The following NPVF variants were observed in gnomAD, a reference collection of about 807,000 sequenced individuals.
NPVF encodes pro-FMRFamide-related neuropeptide VF.
NPVF carries 17 observed loss-of-function variants against 15.7 expected under a neutral mutation model. The observed-to-expected ratio is 1.08, with a 90% CI of 0.74 to 1.62. The LOEUF (loss-of-function observed/expected upper bound fraction) is 1.62. NPVF is among the 40% of genes most tolerant of loss of function. The pLI is 0.00. For missense variants in NPVF, 270 were observed against 225.2 expected (o/e 1.20, Z -1.27); for synonymous variants, 70 against 80.1 (o/e 0.87, Z 0.67).
chr7:25,225,194 A>T (rs1783110192), intron 2 of NPVF, 21 bp from the exon 3 acceptor site: 1 of 1,602,306 alleles, frequency 6.2e-7, no homozygotes, highest in African/African-American at 1.3e-5. Flanking sequence ...AGCAGTATAA[A>T]ATGTTGTCAC....
At chr7:25,226,216 G>A (rs113603649) in intron 2 of NPVF, among the ~76,000 whole-genome samples, 1 of 152,176 alleles carries the variant, frequency 6.6e-6, no homozygotes, top group African/African-American at 2.4e-5. Flanking sequence ...TTGATTAAAA[G>A]TTAGGAAAGA....
At position 25,228,346 on chromosome 7, in the gene NPVF, T is replaced by G; in HGVS notation, c.94A>C (p.Met32Leu). 6.5e-7 allele frequency: 1 copy of G among 1,537,922 alleles called. No homozygotes were observed. Among genetic ancestry groups the G allele is most frequent in the Non-Finnish European group, 9.0e-7 (1 of 1,111,968 alleles). Reference sequence around the variant, plus strand: ...TTTTCTTTGCTGTGAAGATTGGACATCACTAATTCATCTGCACAAAAAATG... The same window carrying G: ...TTTTCTTTGCTGTGAAGATTGGACAGCACTAATTCATCTGCACAAAAAATG... The part of the protein sequence containing the change: ...SNIFCADELV[M>L]SNLHSKENYD... The change falls in exon 1 of 3, where the codon ATG (methionine) becomes CTG (leucine). Residue 32 changes from methionine to leucine, a missense_variant. Met to Leu is a conservative substitution (Grantham distance 15, BLOSUM62 2). Coordinates refer to ENST00000222674, the MANE Select transcript of NPVF (RefSeq NM_022150.3).
rs1783106963 is a variant in NPVF, at chr7:25,224,975, A to T, written c.*147T>A. On this transcript the variant is annotated 3_prime_UTR_variant, in exon 3 of 3. Transcript: ENST00000222674. Reference sequence around the variant, plus strand: ...CTTTAATTTTTTTACAACTTTCAAGATACTATTATAGCTGTACTGACAAGG... The same window carrying T: ...CTTTAATTTTTTTACAACTTTCAAGTTACTATTATAGCTGTACTGACAAGG... 1.8e-6 allele frequency: 1 copy of T among 548,116 alleles called. No individual in the cohort carries two copies. The highest frequency in any genetic ancestry group is 3.3e-6 in the Non-Finnish European group (1 of 307,132). The allele number at this position is 548,116 out of a possible 1,614,324, so 34.0% of individuals were successfully genotyped here.
In NPVF at chr7:25,225,039, T is replaced by C. The variant is rs968034564; in HGVS notation, c.*83A>G. The C allele has an allele frequency of 1.8e-6, 2 of 1,128,516 alleles. No individual in the cohort carries two copies. Among genetic ancestry groups the C allele is most frequent in the South Asian group, 1.3e-5 (1 of 75,068 alleles). The allele number at this position is 1,128,516 out of a possible 1,614,324, so 69.9% of individuals were successfully genotyped here. A position where few individuals can be genotyped will look rare whatever the true frequency, so the allele number is the denominator to read the frequency against. The stretch of plus-strand genomic sequence containing the variant: ...GATGATCCATAGCTGATGAAGTGTA[T>C]GTAGCTACTCTTCCGTGTGGTCTTC... On this transcript the variant is annotated 3_prime_UTR_variant, in exon 3 of 3. Coordinates refer to ENST00000222674, the MANE Select transcript of NPVF (RefSeq NM_022150.3).
chr7:25,227,620 T>C (rs2115498071), intron 1 of NPVF, among the ~76,000 whole-genome samples: 1 of 152,304 alleles, frequency 6.6e-6, no homozygotes, highest in Non-Finnish European at 1.5e-5. Context: ...AAAATACATT[T>C]TTAGCAAAGA....
intron 1 of NPVF, among the ~76,000 whole-genome samples, chr7:25,227,343 C>T (rs981755211): frequency 1.1e-4 from 17 of 151,976 alleles, no homozygotes; most frequent in Admixed American, 4.6e-4. Flanking sequence ...TGCAGTTATT[C>T]TCTTTTGGTT....
Position 25,226,781 on chromosome 7 carries a change from G to A in NPVF, c.384C>T (p.Pro128=), listed in dbSNP as rs2717851. ...VSLVRRVPNL[P]QRFGRTTTAK... ...CTGTTGTTGTTCTCCCAAACCTTTG[G>A]GGCAGGTTAGGAACACGTCTCACGA... Residue 128 remains proline (P), a synonymous_variant, in exon 2 of 3, where the codon CCC becomes CCT. Transcript: ENST00000222674. 0.27 allele frequency: 442,795 copies of A among 1,613,828 alleles called. 61,962 individuals carry two copies. The highest frequency in any genetic ancestry group is 0.36 in the African/African-American group (26,992 of 74,898).
chr7:25,227,951 G>A (rs990945242), intron 1 of NPVF, among the ~76,000 whole-genome samples: 2 of 152,088 alleles, frequency 1.3e-5, no homozygotes, highest in African/African-American at 4.8e-5. Context: ...TTTTTTGTTT[G>A]TTTGTTTGTA....
At position 25,225,005 on chromosome 7, in the gene NPVF, A is replaced by G. The variant is rs997296554; in HGVS notation, c.*117T>C. 2.9e-5 allele frequency: 22 copies of G among 764,156 alleles called. No individual in the cohort carries two copies. The highest frequency in any genetic ancestry group is 1.1e-5 in the Non-Finnish European group (5 of 458,466). 47.3% of individuals were successfully genotyped at this position (764,156 alleles called of 1,614,324 possible). ...ATTATAGCTGTACTGACAAGGAAAA[A>G]TTGCCGTTGATGATCCATAGCTGAT... On this transcript the variant is annotated 3_prime_UTR_variant, in exon 3 of 3. Coordinates refer to ENST00000222674, the MANE Select transcript of NPVF (RefSeq NM_022150.3).
Position 25,228,327 on chromosome 7 carries a change from T to C in NPVF, c.113A>G (p.Lys38Arg). The change falls in exon 1 of 3, where the codon AAA becomes AGA. Residue 38 changes from lysine (K) to arginine (R), a missense_variant. Physicochemically the swap from Lys to Arg is conservative, Grantham distance 26. Coordinates refer to ENST00000222674, the MANE Select transcript of NPVF (RefSeq NM_022150.3). ...CTCAGAATATTTGTCATAATTTTCT[T>C]TGCTGTGAAGATTGGACATCACTAA... ...DELVMSNLHS[K>R]ENYDKYSEPR... The C allele has an allele frequency of 6.6e-7, 1 of 1,520,858 alleles. No individual in the cohort carries two copies. Among genetic ancestry groups the C allele is most frequent in the South Asian group, 1.1e-5 (1 of 88,320 alleles). The allele number at this position is 1,520,858 out of a possible 1,614,324, so 94.2% of individuals were successfully genotyped here.
chr7:25,225,965 A>G (rs1783120138), intron 2 of NPVF, among the ~76,000 whole-genome samples: 1 of 152,226 alleles, frequency 6.6e-6, no homozygotes, highest in African/African-American at 2.4e-5. Flanking sequence ...GGTCTCTCAG[A>G]TAAGGTGACA....
At chr7:25,227,127 TA>T (rs1330816941) in intron 1 of NPVF, 101 bp from the exon 2 acceptor site, 2 of 1,060,188 alleles carry the variant, frequency 1.9e-6, no homozygotes, top group African/African-American at 1.6e-5. Flanking sequence ...GCAGAATTGT[TA>T]AAGCTATAAA....
chr7:25,226,690 C>G lies in NPVF; in HGVS notation c.475G>C (p.Asp159His), dbSNP rs762973744. ...TGGCAGGTCATGGAGTAAAATAAGT[C>G]ATTGGCACATGGTGAATGCATGGAT... Reference protein sequence around the residue: ...QGSMHSPCANDLFYSMTCQHQ... With the variant: ...QGSMHSPCANHLFYSMTCQHQ... The change falls in exon 2 of 3, where the codon GAC (aspartate) becomes CAC (histidine). Residue 159 changes from aspartate (D) to histidine (H), a missense_variant. Physicochemically the swap from Asp to His is moderately conservative, Grantham distance 81 (BLOSUM62 -1). Transcript: ENST00000222674. 1.2e-6 allele frequency: 2 copies of G among 1,614,170 alleles called. No individual in the cohort carries two copies. The highest frequency in any genetic ancestry group is 1.1e-5 in the South Asian group (1 of 91,064).
In NPVF at chr7:25,226,621, T is replaced by C. The variant is rs1394377126; in HGVS notation, c.539+5A>G. 1 of 1,612,230 alleles carries C rather than the reference T, an allele frequency of 6.2e-7. No individual in the cohort carries two copies. Among genetic ancestry groups the C allele is most frequent in the Non-Finnish European group, 8.5e-7 (1 of 1,178,560 alleles). On this transcript the variant is annotated splice_donor_5th_base_variant and intron_variant, in intron 2 of 2. Coordinates refer to ENST00000222674, the MANE Select transcript of NPVF (RefSeq NM_022150.3). ...ATGCACTTTGACTGGTTTCCAGGTATTTACCTTGACTGTTTTTGATCGGGA... is the reference window on the plus strand; with the variant it reads ...ATGCACTTTGACTGGTTTCCAGGTACTTACCTTGACTGTTTTTGATCGGGA...
chr7:25,225,148 C>T lies in NPVF; in HGVS notation c.565G>A (p.Asp189Asn). ...TATTTTTCTTGTTTCAATTCTGCAT[C>T]ATCTATTTTCTTGAATAGCAGTCTC... is the stretch of plus-strand genomic sequence containing the variant. ...SRRLLFKKIDDAELKQEK is the reference protein window; with the variant it reads ...SRRLLFKKIDNAELKQEK Residue 189 changes from aspartate (D) to asparagine (N), a missense_variant, in exon 3 of 3, where the codon GAT becomes AAT. Asp to Asn is a conservative substitution (Grantham distance 23, BLOSUM62 1). Transcript: ENST00000222674. The T allele has an allele frequency of 1.9e-6, 3 of 1,613,722 alleles. No individual in the cohort carries two copies. The highest frequency in any genetic ancestry group is 2.2e-5 in the South Asian group (2 of 91,022).
At chr7:25,228,208 C>A in intron 1 of NPVF, 94 bp downstream of exon 1, 2 of 897,360 alleles carry the variant, frequency 2.2e-6, no homozygotes, top group Non-Finnish European at 3.5e-6. Context: ...AGAGTACACA[C>A]CAACTTACTT....
At position 25,225,159 on chromosome 7, in the gene NPVF, T is replaced by TC. The variant is rs775304039; in HGVS notation, c.553_554insG (p.Lys185ArgfsTer5). 2.1e-3 allele frequency: 3,321 copies of TC among 1,613,192 alleles called. 7 individuals are homozygous for TC. The highest frequency in any genetic ancestry group is 2.6e-3 in the Admixed American group (156 of 59,972). Reference sequence around the variant, plus strand: ...TTTCAATTCTGCATCATCTATTTTCTTGAATAGCAGTCTCCTAAAATGTAA... The same window carrying TC: ...TTTCAATTCTGCATCATCTATTTTCTCTGAATAGCAGTCTCCTAAAATGTAA... On this transcript the variant is annotated frameshift_variant, in exon 3 of 3. Transcript: ENST00000222674. LOFTEE classifies it high-confidence loss of function.
intron 1 of NPVF, among the ~76,000 whole-genome samples, chr7:25,227,707 AT>A (rs1783149295): frequency 6.6e-6 from 1 of 152,232 alleles, no homozygotes; most frequent in African/African-American, 2.4e-5. Flanking sequence ...AGAATATTTA[AT>A]TAGATTTAGT....
At chr7:25,225,739 G>A (rs1562549167) in intron 2 of NPVF, among the ~76,000 whole-genome samples, 1 of 152,170 alleles carries the variant, frequency 6.6e-6, no homozygotes, top group Non-Finnish European at 1.5e-5. Context: ...CTGACCCTCT[G>A]CAGGACCTTA....
Sources: allele counts gnomAD v4.1 joint callset (sites outside exome capture counted in the v4.1 genomes callset), GRCh38; gene constraint gnomAD v4.1.1; transcripts MANE v1.5; gene names NCBI Gene and HGNC (gene_info 2026-07-23, HGNC 2026-07-21).